MAGEC3: variants seen among roughly 807,000 people sequenced by gnomAD.
MAGEC3 encodes MAGE family member C3, also known as melanoma-associated antigen C3.
In MAGEC3, 34 loss-of-function variants were observed where a neutral mutation model predicts 35.3. The observed-to-expected ratio is 0.96, with a 90% CI of 0.73 to 1.28. The LOEUF (loss-of-function observed/expected upper bound fraction) is 1.28. MAGEC3 is among the 50% of genes most tolerant of loss of function. The pLI, the probability that MAGEC3 is intolerant of heterozygous loss-of-function variation, is 0.00. For missense variants in MAGEC3, 561 were observed against 483.6 expected, an observed-to-expected ratio of 1.16 and a Z score of -1.50; for synonymous variants, 202 against 185.6, an observed-to-expected ratio of 1.09 and a Z score of -0.72.
At chrX:141,879,533 C>G (rs1861236855) in intron 3 of MAGEC3, 102 bp downstream of exon 3, 12 of 957,104 alleles carry the variant, frequency 1.3e-5, no homozygotes, top group South Asian at 1.2e-4. Context: ...GGGAGGTAGG[C>G]AGGAAGGGGT....
intron 1 of MAGEC3, among the ~76,000 whole-genome samples, chrX:141,863,599 A>G (rs1277692530): frequency 2.7e-5 from 3 of 112,007 alleles, no homozygotes; most frequent in African/African-American, 6.5e-5. Flanking sequence ...TTTCTTATCA[A>G]TTTGTTTTGG....
chrX:141,890,775 C>T (rs1002957725), intron 4 of MAGEC3, among the ~76,000 whole-genome samples: 1 of 111,414 alleles, frequency 9.0e-6, no homozygotes, highest in South Asian at 3.8e-4. Context: ...AGAACACAAG[C>T]GCCCATCTCC....
chrX:141,865,777 A>G (rs1317335248), intron 2 of MAGEC3, among the ~76,000 whole-genome samples, 172 bp downstream of exon 2: 2 of 111,623 alleles, frequency 1.8e-5, no homozygotes, highest in African/African-American at 6.5e-5. Context: ...CTCACCTTAG[A>G]CTCAAGTCAG....
chrX:141,882,250 A>T (rs2017972027), intron 4 of MAGEC3, among the ~76,000 whole-genome samples: 1 of 111,592 alleles, frequency 9.0e-6, no homozygotes, highest in Admixed American at 9.5e-5. Context: ...TGTTCTTTGC[A>T]TTTCTGTTCC....
intron 1 of MAGEC3, among the ~76,000 whole-genome samples, chrX:141,849,383 T>A (rs1868378060): frequency 9.0e-6 from 1 of 111,242 alleles, no homozygotes; most frequent in South Asian, 3.7e-4. Context: ...AAATAATTTA[T>A]GGCTAAGTCC....
intron 1 of MAGEC3, among the ~76,000 whole-genome samples, chrX:141,842,855 T>C (rs989932442): frequency 1.8e-5 from 2 of 111,436 alleles, no homozygotes; most frequent in African/African-American, 6.5e-5. Context: ...AGCTCCTACA[T>C]TGTTAGTTCT....
At chrX:141,850,163 G>A (rs1218854826) in intron 1 of MAGEC3, among the ~76,000 whole-genome samples, 3 of 110,832 alleles carry the variant, frequency 2.7e-5, no homozygotes, top group African/African-American at 9.8e-5. Flanking sequence ...TTAAGTGGGC[G>A]ATAAACACTG....
intron 6 of MAGEC3, chrX:141,896,363 C>T: frequency 1.1e-6 from 1 of 874,127 alleles, no homozygotes. Flanking sequence ...CCACCTACTG[C>T]CATTCCTGGT....
In MAGEC3 at chrX:141,891,948, T is replaced by C. The variant is rs759775133; in HGVS notation, c.910-3321T>C. ...TAATGCTGGCCCTAATCAAATATGATGGGAGTCATTTTAAAAAGGGGAAAT... is the reference window on the plus strand; with the variant it reads ...TAATGCTGGCCCTAATCAAATATGACGGGAGTCATTTTAAAAAGGGGAAAT... On this transcript the variant is annotated intron_variant, in intron 4 of 7. Coordinates refer to ENST00000298296, the MANE Select transcript of MAGEC3 (RefSeq NM_138702.1). Among the ~76,000 whole-genome samples, 5 of 109,615 alleles carry C rather than the reference T, an allele frequency of 4.6e-5. No homozygotes were observed. In the South Asian group the frequency reaches 1.9e-3, roughly 43 times the overall value.
chrX:141,896,591 G>T (rs1472866020), intron 6 of MAGEC3: 9 of 1,189,908 alleles, frequency 7.6e-6, no homozygotes, highest in African/African-American at 5.3e-5. Context: ...TCAGGCCTGT[G>T]GGATCCCATC....
At chrX:141,860,468 A>G (rs1009121730) in intron 1 of MAGEC3, among the ~76,000 whole-genome samples, 5 of 112,324 alleles carry the variant, frequency 4.5e-5, no homozygotes, top group Non-Finnish European at 7.5e-5. Flanking sequence ...AAAGAAGTGA[A>G]AATGGCAACT....
chrX:141,890,135 C>T (rs1327356553), intron 4 of MAGEC3, among the ~76,000 whole-genome samples: 1 of 111,370 alleles, frequency 9.0e-6, no homozygotes, highest in Admixed American at 9.5e-5. Context: ...TTAATAAACT[C>T]CCCTTAATAT....
chrX:141,864,459 A>G (rs925039987), intron 1 of MAGEC3, among the ~76,000 whole-genome samples: 2 of 111,819 alleles, frequency 1.8e-5, no homozygotes, highest in African/African-American at 3.3e-5. Flanking sequence ...TTATAATGAG[A>G]TCATGTTCTT....
chrX:141,889,424 A>T (rs1047698260), intron 4 of MAGEC3, among the ~76,000 whole-genome samples: 3 of 111,524 alleles, frequency 2.7e-5, no homozygotes, highest in Non-Finnish European at 5.6e-5. Context: ...TTATTTCCAG[A>T]GGGAGAAACG....
At position 141,838,434 on chromosome X, in the gene MAGEC3, C is replaced by G; in HGVS notation, c.119C>G (p.Pro40Arg). Residue 40 changes from proline to arginine, a missense_variant, in exon 1 of 8, where the codon CCC becomes CGC. Pro to Arg is a moderately radical substitution (Grantham distance 103). Transcript: ENST00000298296. ...ALSPVVLPPQ[P>R]QPRKKATDKD... ...TCCCCAGTGGTGCTCCCACCTCAGC[C>G]CCAGGTGTGGTAGCCCATGAATGCT... 8.3e-7 allele frequency: 1 copy of G among 1,207,675 alleles called. No homozygotes were observed. Among genetic ancestry groups the G allele is most frequent in the Non-Finnish European group, 1.1e-6 (1 of 892,772 alleles).
chrX:141,861,432 A>G (rs900671535), intron 1 of MAGEC3, among the ~76,000 whole-genome samples: 2 of 111,614 alleles, frequency 1.8e-5, no homozygotes, highest in Non-Finnish European at 3.8e-5. Context: ...TAGAAAAAAA[A>G]TATGAAAATT....
intron 1 of MAGEC3, among the ~76,000 whole-genome samples, chrX:141,853,945 A>G (rs774009661): frequency 9.0e-6 from 1 of 111,639 alleles, no homozygotes; most frequent in South Asian, 3.7e-4. Context: ...CTCTTATCCC[A>G]CAATAAGGAT....
Position 141,838,387 on chromosome X carries a change from C to G in MAGEC3, c.72C>G (p.Asn24Lys). 4 of 1,211,098 alleles carry G rather than the reference C, an allele frequency of 3.3e-6. No individual in the cohort carries two copies. The highest frequency in any genetic ancestry group is 4.5e-6 in the Non-Finnish European group (4 of 895,059). ...SDGSLGQWVK[N>K]TCATYALSPV... ...GCAGTCTAGGCCAGTGGGTGAAAAA[C>G]ACATGTGCCACATATGCCTTATCCC... Residue 24 changes from asparagine (N) to lysine (K), a missense_variant, in exon 1 of 8, where the codon AAC becomes AAG. By Grantham distance (94) the Asn-to-Lys change is moderately conservative. Transcript: ENST00000298296.
intron 4 of MAGEC3, among the ~76,000 whole-genome samples, chrX:141,889,833 TAGA>T (rs1449707058): frequency 1.4e-4 from 16 of 112,466 alleles, no homozygotes; most frequent in Non-Finnish European, 2.4e-4. Flanking sequence ...GAATGGGTAG[TAGA>T]AGAAGGTAGT....
Sources: allele counts gnomAD v4.1 joint callset (sites outside exome capture counted in the v4.1 genomes callset), GRCh38; gene constraint gnomAD v4.1.1; transcripts MANE v1.5; gene names NCBI Gene and HGNC (gene_info 2026-07-23, HGNC 2026-07-21).